The following NOTCH3 variants were observed in gnomAD, a reference collection of about 807,000 sequenced individuals.
NOTCH3 encodes notch receptor 3.
NOTCH3 carries 86 observed loss-of-function variants against 213.3 expected under a neutral mutation model. That is an observed-to-expected ratio of 0.40 (90% CI 0.34 to 0.48). NOTCH3 has a LOEUF of 0.48. NOTCH3 is among the 20% of genes least tolerant of loss of function. NOTCH3 has a pLI of 0.57. For missense variants in NOTCH3, 2,783 were observed against 3,272.6 expected (o/e 0.85, Z 3.65); for synonymous variants, 1,354 against 1,355.9 (o/e 1.00, Z 0.03).
intron 25 of NOTCH3, among the ~76,000 whole-genome samples, chr19:15,172,234 T>C (rs911021551): frequency 6.6e-6 from 1 of 152,194 alleles, no homozygotes; most frequent in Non-Finnish European, 1.5e-5. Context: ...CATCCAATCC[T>C]TAGGTCTCCG....
Position 15,191,463 on chromosome 19 carries a change from C to T in NOTCH3, c.997G>A (p.Val333Met), listed in dbSNP as rs763453560. The T allele has an allele frequency of 9.3e-6, 15 of 1,613,480 alleles. No homozygotes were observed. Among genetic ancestry groups the T allele is most frequent in the Admixed American group, 1.7e-5 (1 of 60,022 alleles). The stretch of plus-strand genomic sequence containing the variant: ...GGGCAGGCACAGTAGAAAGAAGCCA[C>T]GCGGTCATGGCAGGTGGCCCCATGG... ...CFHGATCHDR[V>M]ASFYCACPMG... The change falls in exon 6 of 33, where the codon GTG becomes ATG. Residue 333 changes from valine (V) to methionine (M), a missense_variant. Coordinates refer to ENST00000263388, the MANE Select transcript of NOTCH3 (RefSeq NM_000435.3).
At chr19:15,167,837 A>C (rs997037301) in intron 28 of NOTCH3, among the ~76,000 whole-genome samples, 3 of 151,484 alleles carry the variant, frequency 2.0e-5, no homozygotes, top group African/African-American at 4.9e-5. Context: ...TTAACAGGAA[A>C]TCAATGTGTG....
chr19:15,179,491 A>G lies in NOTCH3; in HGVS notation c.3333T>C (p.Leu1111=). Residue 1111 remains leucine (L), a synonymous_variant, in exon 21 of 33, where the codon CTT becomes CTC. Coordinates refer to ENST00000263388, the MANE Select transcript of NOTCH3 (RefSeq NM_000435.3). ...CACAGTTATCACCATTGTAGCCAGG[A>G]AGACACTTCAGTGGGGTAAGAGAGG... ...GYMGGYMCEC[L]PGYNGDNCED... The G allele has an allele frequency of 6.2e-7, 1 of 1,613,954 alleles. No individual in the cohort carries two copies.
At chr19:15,176,706 T>C (rs1351432192) in intron 24 of NOTCH3, among the ~76,000 whole-genome samples, 1 of 139,070 alleles carries the variant, frequency 7.2e-6, no homozygotes, top group African/African-American at 2.8e-5. Context: ...GAGATTGCAC[T>C]GAGCCAAGAT....
At chr19:15,197,441 G>GGGGGGGCCCCCCCCCC in intron 2 of NOTCH3, 59 bp downstream of exon 2, 3 of 768,364 alleles carry the variant, frequency 3.9e-6, no homozygotes, top group Non-Finnish European at 6.9e-6. Context: ...AAGACAAATC[G>GGGGGGGCCCCCCCCCC]CCCCTCCCCC....
intron 17 of NOTCH3, 121 bp downstream of exon 17, chr19:15,181,455 G>C (rs1031415982): frequency 7.4e-6 from 6 of 813,692 alleles, no homozygotes; most frequent in Middle Eastern, 3.5e-4. Context: ...TCAGTCATCA[G>C]AGTCCGCAGT....
rs1164302784 is a variant in NOTCH3 at position 15,178,898 on chromosome 19, T to C, written c.3762A>G (p.Pro1254=). 7 of 1,612,912 alleles carry C rather than the reference T, an allele frequency of 4.3e-6. No individual in the cohort carries two copies. Among genetic ancestry groups the C allele is most frequent in the Non-Finnish European group, 5.9e-6 (7 of 1,179,586 alleles). The change falls in exon 23 of 33, where the codon CCA becomes CCG. Residue 1254 remains proline (P), a synonymous_variant. Coordinates refer to ENST00000263388, the MANE Select transcript of NOTCH3 (RefSeq NM_000435.3). ...GACGGCACTGGCCTCCATGCTGGCA[T>C]GGCTGGGACTCGCAGGGAGACAGGA... ...QTVLSPCESQ[P]CQHGGQCRPS...
chr19:15,192,761 G>A (rs904888243), intron 2 of NOTCH3, among the ~76,000 whole-genome samples: 2 of 152,054 alleles, frequency 1.3e-5, no homozygotes, highest in Non-Finnish European at 2.9e-5. Flanking sequence ...CTAAAAGTAC[G>A]AAACTTTGCT....
Position 15,177,737 on chromosome 19 carries a change from C to T in NOTCH3, c.4191G>A (p.Gly1397=), listed in dbSNP as rs886038299. 1.0e-5 allele frequency: 15 copies of T among 1,496,950 alleles called. No individual in the cohort carries two copies. In the African/African-American group the frequency reaches 1.0e-4, roughly 10 times the overall value. 92.7% of individuals were successfully genotyped at this position (1,496,950 alleles called of 1,614,324 possible). ...TGCACTCGCGGTCGCAGCGCTGGTC[C>T]CCGCGCTTGGCCTGGCAGGCGGCGC... The part of the protein sequence containing the change: ...CPRAACQAKR[G]DQRCDRECNS... Residue 1397 remains glycine, a synonymous_variant, in exon 24 of 33, where the codon GGG becomes GGA. Coordinates refer to ENST00000263388, the MANE Select transcript of NOTCH3 (RefSeq NM_000435.3).
chr19:15,184,826 C>A, intron 15 of NOTCH3, 80 bp downstream of exon 15: 1 of 859,342 alleles, frequency 1.2e-6, no homozygotes, highest in Middle Eastern at 2.6e-4. Context: ...GGGTCCCTCT[C>A]TGGATCCCCA....
intron 28 of NOTCH3, 117 bp from the exon 29 acceptor site, chr19:15,167,528 C>CAT (rs202146710): frequency 0.012 from 10,726 of 879,570 alleles, 243 homozygotes; most frequent in Admixed American, 0.084. Context: ...CACACAGAGC[C>CAT]CTGGGAAATC....
At chr19:15,193,603 CAA>C (rs768557412) in intron 2 of NOTCH3, among the ~76,000 whole-genome samples, 8 of 148,766 alleles carry the variant, frequency 5.4e-5, no homozygotes, top group Non-Finnish European at 1.0e-4. Context: ...TTTTTTTCCA[CAA>C]AAAAAAATTA....
Position 15,185,293 on chromosome 19 carries a change from T to C in NOTCH3, c.2260A>G (p.Met754Val), listed in dbSNP as rs373142519. 3.7e-5 allele frequency: 59 copies of C among 1,612,956 alleles called. No individual in the cohort carries two copies. The highest frequency in any genetic ancestry group is 4.9e-5 in the Non-Finnish European group (58 of 1,179,992). ...RAGGTCSSDG[M>V]GFHCTCPPGV... ...GGCGGGCAGGTGCAGTGGAAACCCA[T>C]TCCATCGCTGCTGCATGTCCCACCG... Residue 754 changes from methionine (M) to valine (V), a missense_variant, in exon 14 of 33, where the codon ATG becomes GTG. Met to Val is a conservative substitution (Grantham distance 21, BLOSUM62 1). This residue lies in a region of NOTCH3 where 861 missense variants were observed against 909.1 expected (regional missense o/e 0.95). Transcript: ENST00000263388. This position sits in a 1 kb window ranked among gnomAD's most constrained non-coding sequence, Gnocchi z 4.2.
Position 15,165,209 on chromosome 19 carries a change from T to TGGTGACC in NOTCH3, c.5815+152_5815+158dup, listed in dbSNP as rs1234980634. On this transcript the variant is annotated intron_variant, in intron 31 of 32. Coordinates refer to ENST00000263388, the MANE Select transcript of NOTCH3 (RefSeq NM_000435.3). This position sits in a 1 kb window ranked among gnomAD's most constrained non-coding sequence, Gnocchi z 4.7. ...ATCCCTGAGGCACCCTAAGGACTAGTGGTGACCCTGCATGACCCTGCAGGC... is the reference window on the plus strand; with the variant it reads ...ATCCCTGAGGCACCCTAAGGACTAGTGGTGACCGGTGACCCTGCATGACCCTGCAGGC... Among the ~76,000 whole-genome samples, 2 of 152,090 alleles carry TGGTGACC rather than the reference T, an allele frequency of 1.3e-5. No homozygotes were observed. The highest frequency in any genetic ancestry group is 2.4e-5 in the African/African-American group (1 of 41,420).
At position 15,181,014 on chromosome 19, in the gene NOTCH3, G is replaced by A. The variant is rs143695196; in HGVS notation, c.2941C>T (p.His981Tyr). Reference sequence around the variant, plus strand: ...AGGCAGGTGCAGCGGAAGCCAGGGTGGGCGGCGCTGCAGACGCCCCCGTGT... The same window carrying A: ...AGGCAGGTGCAGCGGAAGCCAGGGTAGGCGGCGCTGCAGACGCCCCCGTGT... Reference protein sequence around the residue: ...CLHGGVCSAAHPGFRCTCLES... With the variant: ...CLHGGVCSAAYPGFRCTCLES... The change falls in exon 18 of 33, where the codon CAC (histidine) becomes TAC (tyrosine). Residue 981 changes from histidine (H) to tyrosine (Y), a missense_variant. His to Tyr is a moderately conservative substitution (Grantham distance 83). Around this residue, in one of 6 missense-constraint regions of NOTCH3, gnomAD observed 861 missense variants for 909.1 expected, o/e 0.95. Coordinates refer to ENST00000263388, the MANE Select transcript of NOTCH3 (RefSeq NM_000435.3). 155 of 1,598,078 alleles carry A rather than the reference G, an allele frequency of 9.7e-5. No homozygotes were observed. Among genetic ancestry groups the A allele is most frequent in the Admixed American group, 2.6e-4 (15 of 57,628 alleles).
chr19:15,163,245 C>A (rs2046660296), intron 31 of NOTCH3, among the ~76,000 whole-genome samples: 1 of 152,090 alleles, frequency 6.6e-6, no homozygotes, highest in South Asian at 2.1e-4. Context: ...AAAATAGGTG[C>A]CAGGACCATT....
intron 2 of NOTCH3, among the ~76,000 whole-genome samples, chr19:15,194,512 C>A (rs573500287): frequency 6.6e-6 from 1 of 152,004 alleles, no homozygotes; most frequent in African/African-American, 2.4e-5. Flanking sequence ...TTAGAGCAGC[C>A]GTAGGAAGCT....
At chr19:15,190,649 A>C (rs760777557) in intron 6 of NOTCH3, among the ~76,000 whole-genome samples, 1 of 152,210 alleles carries the variant, frequency 6.6e-6, no homozygotes, top group Non-Finnish European at 1.5e-5. Context: ...GCAGTGGCTC[A>C]GTCTCAGCTC....
At position 15,175,363 on chromosome 19, in the gene NOTCH3, G is replaced by A. The variant is rs557660563; in HGVS notation, c.4404-963C>T. 1.8e-4 allele frequency among the ~76,000 whole-genome samples: 26 copies of A among 142,718 alleles called. No individual in the cohort carries two copies. In the East Asian group the frequency reaches 3.5e-3, roughly 19 times the overall value. 93.6% of individuals were successfully genotyped at this position (142,718 alleles called of 152,430 possible). On this transcript the variant is annotated intron_variant, in intron 24 of 32. Coordinates refer to ENST00000263388, the MANE Select transcript of NOTCH3 (RefSeq NM_000435.3). Reference sequence around the variant, plus strand: ...GCCTGGCCAAAATGGTGAAACCCCCGTCTCTACTAAAAATACAAAAATTAG... The same window carrying A: ...GCCTGGCCAAAATGGTGAAACCCCCATCTCTACTAAAAATACAAAAATTAG...
Sources: allele counts gnomAD v4.1 joint callset (sites outside exome capture counted in the v4.1 genomes callset), GRCh38; gene constraint gnomAD v4.1.1; regional missense constraint gnomAD v4.1.1; non-coding constraint Gnocchi (gnomAD v3.1); transcripts MANE v1.5; gene names NCBI Gene and HGNC (gene_info 2026-07-23, HGNC 2026-07-21).